Variants in B9D1 observed in about 807,000 individuals in gnomAD.
B9D1 encodes B9 domain-containing protein 1.
Under a neutral mutation model 26.1 loss-of-function variants are expected in B9D1, and 20 were observed. That is an observed-to-expected ratio of 0.77 (90% CI 0.54 to 1.12). The LOEUF is 1.12. B9D1 is among the 50% of genes most tolerant of loss of function. B9D1 has a pLI of 0.00. For synonymous variants in B9D1, 105 were observed against 103.1 expected, an observed-to-expected ratio of 1.02 and a Z score of -0.11; for missense variants, 260 against 273.7, an observed-to-expected ratio of 0.95 and a Z score of 0.35.
At chr17:19,335,309 AC>A, downstream of B9D1, 1 of 1,280,486 alleles carries the variant, frequency 7.8e-7, no homozygotes, top group Non-Finnish European at 1.1e-6. Context: ...TATTTTTCTT[AC>A]GAATATACCA....
At chr17:19,348,149 C>CTCCA (rs1567889516) in intron 3 of B9D1, among the ~76,000 whole-genome samples, 1 of 152,024 alleles carries the variant, frequency 6.6e-6, no homozygotes, top group Non-Finnish European at 1.5e-5. Context: ...CACTCAGTCA[C>CTCCA]TCCATGTACA....
chr17:19,351,931 G>A (rs902594715), intron 3 of B9D1, among the ~76,000 whole-genome samples: 14 of 152,148 alleles, frequency 9.2e-5, no homozygotes, highest in African/African-American at 3.1e-4. Flanking sequence ...TGGCACCCAG[G>A]CTGGAGTGCA....
At chr17:19,364,101 C>T (rs55768758), upstream of B9D1, among the ~76,000 whole-genome samples, 389 of 152,298 alleles carry the variant, frequency 2.6e-3, 2 homozygotes, top group Non-Finnish European at 4.1e-3. The surrounding 1 kb of genome is among the most constrained non-coding windows in gnomAD (Gnocchi z 4.3). Flanking sequence ...CTTTGAGGCT[C>T]GGTGTTGCAC....
At chr17:19,376,406 T>G (rs1399125337) in intron 1 of B9D1, among the ~76,000 whole-genome samples, 3 of 152,020 alleles carry the variant, frequency 2.0e-5, no homozygotes, top group Non-Finnish European at 2.9e-5. Flanking sequence ...AACACTGACC[T>G]TAAGTCTGAT....
In B9D1 at chr17:19,347,322, C is replaced by G. The variant is rs1908962189; in HGVS notation, c.351G>C (p.Arg117Ser). ...HVPFSPGRHK[R>S]TIPMFVPEST... ...ATTCTGGGACAAACATGGGGATGGTCCTTTTGTGCCTGAAACAAATGTTTT... is the reference window on the plus strand; with the variant it reads ...ATTCTGGGACAAACATGGGGATGGTGCTTTTGTGCCTGAAACAAATGTTTT... The change falls in exon 5 of 7, where the codon AGG becomes AGC. Residue 117 changes from arginine to serine, a missense_variant. Arg to Ser is a moderately radical substitution (Grantham distance 110). Transcript: ENST00000261499. The surrounding 1 kb of genome is among the most constrained non-coding windows in gnomAD (Gnocchi z 4.3). The G allele has an allele frequency of 3.1e-6, 5 of 1,614,054 alleles. No individual in the cohort carries two copies. In the South Asian group the frequency reaches 5.5e-5, roughly 18 times the overall value.
chr17:19,349,391 A>AT (rs58094833), intron 3 of B9D1, among the ~76,000 whole-genome samples: 132,966 of 146,772 alleles, frequency 0.91, 60,689 homozygotes, highest in African/African-American at 0.97. Flanking sequence ...CATTAAAAAC[A>AT]TTTTTTTTTT....
In B9D1 at chr17:19,343,362, T is replaced by G. The variant is rs781561961; in HGVS notation, c.572A>C (p.Gln191Pro). ...GGGTGGGCTGGGCCCCAACACACCCTGTGTATCAGAAGGCCCAGTGTCATA... is the reference window on the plus strand; with the variant it reads ...GGGTGGGCTGGGCCCCAACACACCCGGTGTATCAGAAGGCCCAGTGTCATA... ...LGYDTGPSDT[Q>P]GVLGPSPPQS... Residue 191 changes from glutamine to proline, a missense_variant, in exon 7 of 7, where the codon CAG (glutamine) becomes CCG (proline). Transcript: ENST00000261499. The G allele has an allele frequency of 6.2e-7, 1 of 1,614,086 alleles. No individual in the cohort carries two copies. Among genetic ancestry groups the G allele is most frequent in the Non-Finnish European group, 8.5e-7 (1 of 1,179,988 alleles).
chr17:19,344,398 GC>G lies in B9D1; in HGVS notation c.405-542del, dbSNP rs1908433789. The G allele has an allele frequency of 1.8e-5, 4 of 223,400 alleles. No homozygotes were observed. In the South Asian group the frequency reaches 1.8e-4, roughly 10 times the overall value. 13.8% of individuals were successfully genotyped at this position (223,400 alleles called of 1,614,324 possible). A position where few individuals can be genotyped will look rare whatever the true frequency, so the allele number is the denominator to read the frequency against. On this transcript the variant is annotated intron_variant, in intron 5 of 6. Transcript: ENST00000261499. ...CTTCCCATCTTGGCACCCACCGCAG[GC>G]CCTGCCAGGGGCGGCACACAGCCAC... is the stretch of plus-strand genomic sequence containing the variant.
downstream of B9D1, chr17:19,335,531 G>A: frequency 6.7e-7 from 1 of 1,503,530 alleles, no homozygotes; most frequent in East Asian, 2.5e-5. Context: ...GGGATAATGT[G>A]GAAATGGCAG....
chr17:19,350,942 G>A (rs1415156460), intron 3 of B9D1, among the ~76,000 whole-genome samples: 2 of 151,556 alleles, frequency 1.3e-5, no homozygotes. Flanking sequence ...AGTTTCAAGC[G>A]ATTCTCCTGC....
intron 1 of B9D1, 116 bp from the exon 2 acceptor site, chr17:19,360,504 A>C (rs760158145): frequency 2.2e-6 from 2 of 889,614 alleles, no homozygotes; most frequent in Non-Finnish European, 3.7e-6. Context: ...AGTGGGTCTA[A>C]GAGACGGCTG....
downstream of B9D1, chr17:19,335,594 CA>C: frequency 3.3e-6 from 3 of 896,104 alleles, no homozygotes; most frequent in Non-Finnish European, 4.9e-6. Context: ...GGTCCCTGGG[CA>C]ACAGTCCCTA....
In B9D1 at chr17:19,372,153, G is replaced by A. The variant is rs991950516; in HGVS notation, c.-298+5706C>T. 2 of 152,396 alleles carry A rather than the reference G, an allele frequency of 1.3e-5. No individual in the cohort carries two copies. The highest frequency in any genetic ancestry group is 1.9e-4 in the East Asian group (1 of 5,202). 9.4% of individuals were successfully genotyped at this position (152,396 alleles called of 1,614,324 possible). On this transcript the variant is annotated intron_variant, in intron 1 of 5. Transcript: ENST00000477478. This position sits in a 1 kb window ranked among gnomAD's most constrained non-coding sequence, Gnocchi z 4.4. ...TGCTGGAACACCGCAGGGACTGGGC[G>A]GAGCGGGGACAGCGTTAACAAGGGC... is the stretch of plus-strand genomic sequence containing the variant.
At position 19,349,391 on chromosome 17, in the gene B9D1, AT is replaced by A. The variant is rs58094833; in HGVS notation, c.245-1512del. ...TTTTTCTTTTTTCTTCATTAAAAAC[AT>A]TTTTTTTTTTTGAGACAGGGTCTTG... On this transcript the variant is annotated intron_variant, in intron 3 of 6. Transcript: ENST00000261499. Among the ~76,000 whole-genome samples the A allele has an allele frequency of 6.7e-3, 979 of 146,746 alleles. 52 individuals are homozygous for A. The East Asian group carries it at 0.12, about 18-fold the overall frequency.
Position 19,362,717 on chromosome 17 carries a change from G to A in B9D1, c.-148C>T. The A allele has an allele frequency of 1.3e-6, 2 of 1,529,434 alleles. No homozygotes were observed. The highest frequency in any genetic ancestry group is 1.2e-5 in the South Asian group (1 of 83,362). 94.7% of individuals were successfully genotyped at this position (1,529,434 alleles called of 1,614,324 possible). On this transcript the variant is annotated 5_prime_UTR_variant, in exon 1 of 7. Coordinates refer to ENST00000261499, the MANE Select transcript of B9D1 (RefSeq NM_015681.6). ...GCGAAGGCCACGCGAGTGCGCGTGT[G>A]GCATGCGCAGGCGCAGTGAACGGGC... is the stretch of plus-strand genomic sequence containing the variant.
At chr17:19,343,936 T>G (rs1177329044) in intron 5 of B9D1, 79 bp from the exon 6 acceptor site, 51 of 1,598,194 alleles carry the variant, frequency 3.2e-5, no homozygotes, top group Non-Finnish European at 4.3e-5. Context: ...ATGTGGGCTC[T>G]CCTCGGTTCA....
rs752474351 is a variant in B9D1 at position 19,362,514 on chromosome 17, C to T, written c.56G>A (p.Ser19Asn). ...GGGTCCACGGCCGCTCACCTGGGCG[C>T]TCTCCACCTGCCCGTTGACCATGAG... The part of the protein sequence containing the change: ...FLLMVNGQVE[S>N]AQFPEYDDLY... The change falls in exon 1 of 7, where the codon AGC becomes AAC. Residue 19 changes from serine to asparagine, a missense_variant. By Grantham distance (46) the Ser-to-Asn change is conservative (BLOSUM62 1). Coordinates refer to ENST00000261499, the MANE Select transcript of B9D1 (RefSeq NM_015681.6). 6.4e-7 allele frequency: 1 copy of T among 1,573,112 alleles called. No individual in the cohort carries two copies. Among genetic ancestry groups the T allele is most frequent in the Non-Finnish European group, 8.6e-7 (1 of 1,159,524 alleles).
intron 3 of B9D1, among the ~76,000 whole-genome samples, chr17:19,356,531 TC>T (rs1567898937): frequency 6.6e-6 from 1 of 152,184 alleles, no homozygotes; most frequent in African/African-American, 2.4e-5. Context: ...TCTCCCTTAT[TC>T]CTAGGGCAGC....
chr17:19,342,127 C>T (rs143287228), downstream of B9D1, among the ~76,000 whole-genome samples: 11 of 152,252 alleles, frequency 7.2e-5, no homozygotes, highest in East Asian at 9.6e-4. Context: ...CTAGGCTCAC[C>T]GCACATGGGG....
Sources: gnomAD v4.1 joint callset for allele counts (sites outside exome capture counted in the v4.1 genomes callset) on GRCh38, gnomAD v4.1.1 for gene constraint, Gnocchi (gnomAD v3.1) non-coding constraint, MANE v1.5 for transcripts, NCBI Gene and HGNC (gene_info 2026-07-23, HGNC 2026-07-21) for gene names.